The following ASXL2 variants were observed in gnomAD, a reference collection of about 807,000 sequenced individuals.
ASXL2 encodes the protein putative Polycomb group protein ASXL2.
In ASXL2, 23 loss-of-function variants were observed where a neutral mutation model predicts 122.0. The ratio of observed to expected loss-of-function variants is 0.19; its 90% CI spans 0.14 to 0.27. The LOEUF (loss-of-function observed/expected upper bound fraction) is 0.27. Among genes scored for constraint, ASXL2 ranks in the 10% least tolerant of loss-of-function variants. ASXL2 has a pLI of 1.00. For missense variants in ASXL2, 1,518 were observed against 1,713.8 expected (o/e 0.89, Z 2.02); for synonymous variants, 650 against 637.0 (o/e 1.02, Z -0.31).
chr2:25,787,522 G>A (rs1315123157), intron 5 of ASXL2, among the ~76,000 whole-genome samples: 1 of 152,062 alleles, frequency 6.6e-6, no homozygotes, highest in African/African-American at 2.4e-5. Flanking sequence ...TCCATGAGAG[G>A]CTAATCGCTT....
intron 11 of ASXL2, 107 bp from the exon 12 acceptor site, chr2:25,750,520 C>T (rs1203838330): frequency 2.1e-6 from 2 of 962,500 alleles, no homozygotes; most frequent in Middle Eastern, 2.8e-4. Flanking sequence ...GAACCCCTGA[C>T]ACAGCAGGTA....
rs766637532 is a variant in ASXL2 at position 25,808,021 on chromosome 2, A to ACACACT, written c.144-1685_144-1684insAGTGTG. Among the ~76,000 whole-genome samples the ACACACT allele has an allele frequency of 2.7e-5, 4 of 148,630 alleles. No individual in the cohort carries two copies. In the South Asian group the frequency reaches 8.6e-4, roughly 32 times the overall value. ...CACACACACACACACACACACACAC[A>ACACACT]CTCTCCACCCCAAAGAACAGATACA... is the stretch of plus-strand genomic sequence containing the variant. On this transcript the variant is annotated intron_variant, in intron 3 of 12. Transcript: ENST00000435504.
At chr2:25,823,670 C>A (rs1428372098) in intron 3 of ASXL2, among the ~76,000 whole-genome samples, 1 of 151,098 alleles carries the variant, frequency 6.6e-6, no homozygotes. Context: ...AGATTTGTAT[C>A]TGCACTGTCA....
intron 1 of ASXL2, among the ~76,000 whole-genome samples, chr2:25,846,937 G>C (rs537161480): frequency 1.3e-5 from 2 of 152,282 alleles, no homozygotes; most frequent in South Asian, 4.1e-4. Context: ...ACAGATGTTG[G>C]AATTATCAGA....
chr2:25,863,528 TAA>T (rs1490463105), intron 1 of ASXL2, among the ~76,000 whole-genome samples: 1 of 150,028 alleles, frequency 6.7e-6, no homozygotes, highest in Non-Finnish European at 1.5e-5. Context: ...CTGTCTCTAC[TAA>T]AATATACAAA....
intron 1 of ASXL2, among the ~76,000 whole-genome samples, chr2:25,873,956 G>A (rs2089989000): frequency 1.3e-5 from 2 of 152,166 alleles, no homozygotes; most frequent in African/African-American, 4.8e-5. Context: ...TATTTTCAAA[G>A]TTCTGCTTTG....
chr2:25,758,208 G>C (rs903921818), intron 9 of ASXL2, among the ~76,000 whole-genome samples: 2 of 152,174 alleles, frequency 1.3e-5, no homozygotes, highest in African/African-American at 2.4e-5. Context: ...ATGCAGTCTA[G>C]TAGAAAGATT....
intron 8 of ASXL2, among the ~76,000 whole-genome samples, chr2:25,764,745 T>G (rs912706607): frequency 6.6e-6 from 1 of 152,212 alleles, no homozygotes; most frequent in African/African-American, 2.4e-5. Flanking sequence ...CCCATATAAT[T>G]AATGGAATTG....
At position 25,743,115 on chromosome 2, in the gene ASXL2, A is replaced by G. The variant is rs750085472; in HGVS notation, c.3222T>C (p.Val1074=). The change falls in exon 13 of 13, where the codon GTT becomes GTC. Residue 1074 remains valine (V), a synonymous_variant. Transcript: ENST00000435504. ...CAACTGAGAGAAGATTCTGCCTCCG[A>G]ACCCTCTGAATGAGAGTCTGAAGGA... ...DQILQTLIQR[V]RRQNLLSVVP... 6.2e-7 allele frequency: 1 copy of G among 1,614,000 alleles called. No individual in the cohort carries two copies. The highest frequency in any genetic ancestry group is 1.1e-5 in the South Asian group (1 of 91,086).
chr2:25,871,672 ACCTCCG>A, intron 1 of ASXL2, among the ~76,000 whole-genome samples: 1 of 152,122 alleles, frequency 6.6e-6, no homozygotes, highest in Non-Finnish European at 1.5e-5. Context: ...GCTCACCGCA[ACCTCCG>A]CCTCCCGGGT....
intron 5 of ASXL2, among the ~76,000 whole-genome samples, chr2:25,774,675 A>G (rs2149158056): frequency 6.6e-6 from 1 of 152,372 alleles, no homozygotes; most frequent in Non-Finnish European, 1.5e-5. Flanking sequence ...TCTAAATTCT[A>G]GAAAATGCAT....
intron 2 of ASXL2, among the ~76,000 whole-genome samples, chr2:25,836,656 T>C (rs1288750053): frequency 1.3e-5 from 2 of 152,226 alleles, no homozygotes; most frequent in Non-Finnish European, 2.9e-5. Context: ...AAATGTTTAT[T>C]GAGCATAATC....
rs770203524 is a variant in ASXL2 at position 25,733,970 on chromosome 2, A to G, written c.*8059T>C. 1.3e-5 allele frequency: 2 copies of G among 152,190 alleles called. No individual in the cohort carries two copies. Among genetic ancestry groups the G allele is most frequent in the Non-Finnish European group, 2.9e-5 (2 of 68,030 alleles). The allele number at this position is 152,190 out of a possible 1,614,324, so 9.4% of individuals were successfully genotyped here. A position where few individuals can be genotyped will look rare whatever the true frequency, so the allele number is the denominator to read the frequency against. Reference sequence around the variant, plus strand: ...CTATGCGCACAAAGATTTTAAGTGAATAAGAATTACATACGGTAATTTCTT... The same window carrying G: ...CTATGCGCACAAAGATTTTAAGTGAGTAAGAATTACATACGGTAATTTCTT... On this transcript the variant is annotated 3_prime_UTR_variant, in exon 13 of 13. Coordinates refer to ENST00000435504, the MANE Select transcript of ASXL2 (RefSeq NM_018263.6).
At chr2:25,860,248 T>C (rs917691163) in intron 1 of ASXL2, among the ~76,000 whole-genome samples, 5 of 151,496 alleles carry the variant, frequency 3.3e-5, no homozygotes, top group East Asian at 1.9e-4. Flanking sequence ...GAGGCAGAGG[T>C]TGCAGTGGGC....
At chr2:25,818,206 A>C (rs150352949) in intron 3 of ASXL2, among the ~76,000 whole-genome samples, 1 of 152,330 alleles carries the variant, frequency 6.6e-6, no homozygotes, top group East Asian at 1.9e-4. Context: ...TATACCTCAA[A>C]TCCTGTTTAA....
chr2:25,869,112 C>T (rs929334409), intron 1 of ASXL2, among the ~76,000 whole-genome samples: 5 of 151,472 alleles, frequency 3.3e-5, no homozygotes, highest in Admixed American at 3.3e-4. Flanking sequence ...TTGCAGTAAG[C>T]CGAGATCACG....
In ASXL2 at chr2:25,810,040, T is replaced by C. The variant is rs1161783913; in HGVS notation, c.144-3703A>G. ...CATCAGTTGTCTTTTCCAGCTTGGC[T>C]ACCGATCTCTCAGCAAACTCAGCAC... On this transcript the variant is annotated intron_variant, in intron 3 of 12. Transcript: ENST00000435504. The C allele has an allele frequency of 2.2e-5, 12 of 551,562 alleles. 1 individual carries two copies. Among genetic ancestry groups the C allele is most frequent in the South Asian group, 1.5e-4 (11 of 72,772 alleles). 34.2% of individuals were successfully genotyped at this position (551,562 alleles called of 1,614,324 possible).
chr2:25,835,577 GAA>G, intron 2 of ASXL2, 37 bp from the exon 3 acceptor site: 1 of 248,680 alleles, frequency 4.0e-6, no homozygotes. Context: ...ATGAAAGAAG[GAA>G]AAAAAAAGCT....
intron 12 of ASXL2, among the ~76,000 whole-genome samples, chr2:25,747,272 A>G (rs1432603750): frequency 6.6e-6 from 1 of 152,028 alleles, no homozygotes; most frequent in Non-Finnish European, 1.5e-5. Context: ...ATACATTTGT[A>G]TATATATAAA....
Sources: gnomAD v4.1 joint callset for allele counts (sites outside exome capture counted in the v4.1 genomes callset) on GRCh38, gnomAD v4.1.1 for gene constraint, MANE v1.5 for transcripts, NCBI Gene and HGNC (gene_info 2026-07-23, HGNC 2026-07-21) for gene names.